The following ENPP4 variants were observed in gnomAD, a reference collection of about 807,000 sequenced individuals.
The protein encoded by ENPP4 is ectonucleotide pyrophosphatase/phosphodiesterase 4.
Under a neutral mutation model 33.4 loss-of-function variants are expected in ENPP4, and 18 were observed. That is an observed-to-expected ratio of 0.54 (90% CI 0.37 to 0.80). ENPP4 has a LOEUF of 0.80. Ranked by LOEUF, ENPP4 falls within the 30% of genes least tolerant of loss-of-function variation. ENPP4 has a pLI of 0.00. For missense variants in ENPP4, 480 were observed against 541.7 expected (o/e 0.89, Z 1.13); for synonymous variants, 172 against 189.9 (o/e 0.91, Z 0.78).
intron 1 of ENPP4, among the ~76,000 whole-genome samples, chr6:46,131,003 CT>C (rs1284640625): frequency 1.3e-5 from 2 of 152,140 alleles, no homozygotes; most frequent in Non-Finnish European, 2.9e-5. Context: ...TCTATTTCTT[CT>C]TTTTTCCCCT....
intron 1 of ENPP4, among the ~76,000 whole-genome samples, chr6:46,132,280 G>T (rs938097937): frequency 1.3e-5 from 2 of 152,038 alleles, no homozygotes; most frequent in African/African-American, 2.4e-5. Flanking sequence ...GGGTTTTTAT[G>T]GTTTTAGGTC....
At chr6:46,137,565 G>A (rs1763994661) in intron 1 of ENPP4, among the ~76,000 whole-genome samples, 1 of 151,844 alleles carries the variant, frequency 6.6e-6, no homozygotes, top group Non-Finnish European at 1.5e-5. Flanking sequence ...TTGAATGAAC[G>A]GGTAAGTACC....
chr6:46,143,391 T>C lies in ENPP4; in HGVS notation c.1113T>C (p.Tyr371=). The change falls in exon 4 of 4, where the codon TAT becomes TAC. Residue 371 remains tyrosine (Y), a synonymous_variant. Coordinates refer to ENST00000321037, the MANE Select transcript of ENPP4 (RefSeq NM_014936.5). ...GCACAATTAACATTGTGGATATTTA[T>C]CCAATGATGTGCCACATCCTGGGAT... ...KHSTINIVDI[Y]PMMCHILGLK... is the part of the protein sequence containing the mutation. 6.2e-7 allele frequency: 1 copy of C among 1,612,764 alleles called. No individual in the cohort carries two copies. The highest frequency in any genetic ancestry group is 8.5e-7 in the Non-Finnish European group (1 of 1,179,112).
At chr6:46,130,532 G>A (rs1257891809) in intron 1 of ENPP4, among the ~76,000 whole-genome samples, 1 of 152,208 alleles carries the variant, frequency 6.6e-6, no homozygotes, top group African/African-American at 2.4e-5. Context: ...GAGCTGGGGC[G>A]GGGTCGCCAG....
rs370684103 is a variant in ENPP4 at position 46,144,909 on chromosome 6, G to T, written c.*1269G>T. ...AATAATCCCTCTGTTTAACATGTTT[G>T]TTCAGAGCCAAGGGTTTATTGTGAA... On this transcript the variant is annotated 3_prime_UTR_variant, in exon 4 of 4. Transcript: ENST00000321037. 2.2e-4 allele frequency: 87 copies of T among 396,092 alleles called. 1 individual carries two copies. The South Asian group carries it at 8.6e-3, about 39-fold the overall frequency. 24.5% of individuals were successfully genotyped at this position (396,092 alleles called of 1,614,324 possible).
rs888722788 is a variant in ENPP4, at chr6:46,143,798, T to G, written c.*158T>G. The stretch of plus-strand genomic sequence containing the variant: ...TACTTTGTTTTCCTTGTGTTTTGTT[T>G]CGGTGCATTTGCTAATAAGATAACG... On this transcript the variant is annotated 3_prime_UTR_variant, in exon 4 of 4. Transcript: ENST00000321037. 6.7e-6 allele frequency: 5 copies of G among 744,856 alleles called. No homozygotes were observed. Among genetic ancestry groups the G allele is most frequent in the Non-Finnish European group, 6.3e-6 (3 of 474,610 alleles). The allele number at this position is 744,856 out of a possible 1,614,324, so 46.1% of individuals were successfully genotyped here.
intron 1 of ENPP4, among the ~76,000 whole-genome samples, chr6:46,139,271 T>C (rs1184066588): frequency 6.6e-6 from 1 of 151,716 alleles, no homozygotes; most frequent in Non-Finnish European, 1.5e-5. Flanking sequence ...ATTTCTAATG[T>C]GGCAAATGAG....
Position 46,139,876 on chromosome 6 carries a change from C to G in ENPP4, c.293C>G (p.Thr98Arg), listed in dbSNP as rs768945442. The G allele has an allele frequency of 6.2e-7, 1 of 1,612,576 alleles. No individual in the cohort carries two copies. Among genetic ancestry groups the G allele is most frequent in the African/African-American group, 1.3e-5 (1 of 74,766 alleles). ...IVANSMYDAV[T>R]KKHFSDSNDK... ...GCTAATTCCATGTATGATGCAGTCA[C>G]AAAGAAACACTTTTCTGACTCTAAT... The change falls in exon 2 of 4, where the codon ACA (threonine) becomes AGA (arginine). Residue 98 changes from threonine to arginine, a missense_variant. Thr to Arg is a moderately conservative substitution (Grantham distance 71). Coordinates refer to ENST00000321037, the MANE Select transcript of ENPP4 (RefSeq NM_014936.5).
chr6:46,136,249 T>G (rs1763972743), intron 1 of ENPP4, among the ~76,000 whole-genome samples: 1 of 152,042 alleles, frequency 6.6e-6, no homozygotes, highest in East Asian at 1.9e-4. Flanking sequence ...CTGTTTTGAT[T>G]ATTATATATT....
chr6:46,130,370 G>C (rs1274611973), intron 1 of ENPP4, among the ~76,000 whole-genome samples, 181 bp downstream of exon 1: 1 of 152,268 alleles, frequency 6.6e-6, no homozygotes, highest in Non-Finnish European at 1.5e-5. Context: ...GAGCCAGGGA[G>C]GTGGCGGGCC....
In ENPP4 at chr6:46,140,198, A is replaced by G; in HGVS notation, c.615A>G (p.Arg205=). ...YGPEDKENMS[R]VLKKIDDLIG... is the part of the protein sequence containing the mutation. ...CTGAAGATAAAGAAAACATGAGCAG[A>G]GTGTTGAAAAAAATAGATGATCTTA... Residue 205 remains arginine (R), a synonymous_variant, in exon 2 of 4, where the codon AGA becomes AGG. Coordinates refer to ENST00000321037, the MANE Select transcript of ENPP4 (RefSeq NM_014936.5). The G allele has an allele frequency of 1.2e-6, 2 of 1,612,642 alleles. No individual in the cohort carries two copies. Among genetic ancestry groups the G allele is most frequent in the Non-Finnish European group, 1.7e-6 (2 of 1,179,070 alleles).
chr6:46,139,352 A>G (rs764843462), intron 1 of ENPP4, among the ~76,000 whole-genome samples, 199 bp from the exon 2 acceptor site: 1 of 150,602 alleles, frequency 6.6e-6, no homozygotes, highest in Admixed American at 6.7e-5. Flanking sequence ...TAGGGCATAT[A>G]TATAAATAGG....
intron 1 of ENPP4, 36 bp downstream of exon 1, chr6:46,130,225 G>A (rs935464276): frequency 6.6e-6 from 1 of 152,328 alleles, no homozygotes; most frequent in Non-Finnish European, 1.5e-5. Flanking sequence ...CGTTCTGGGG[G>A]GCAATGTCAC....
At chr6:46,143,254 A>T in intron 3 of ENPP4, 22 bp from the exon 4 acceptor site, 2 of 1,540,862 alleles carry the variant, frequency 1.3e-6, no homozygotes, top group Non-Finnish European at 1.8e-6. Context: ...TTATTGACTG[A>T]TGTTGTTTTG....
chr6:46,132,472 C>T (rs377632498), intron 1 of ENPP4, among the ~76,000 whole-genome samples: 8 of 151,972 alleles, frequency 5.3e-5, no homozygotes, highest in African/African-American at 9.7e-5. Context: ...TGTAGATATG[C>T]GGCGTTATTT....
chr6:46,132,057 C>G (rs887977669), intron 1 of ENPP4, among the ~76,000 whole-genome samples: 2 of 152,136 alleles, frequency 1.3e-5, no homozygotes, highest in African/African-American at 4.8e-5. Flanking sequence ...GATATTAGCC[C>G]TTTTTCAGAT....
At position 46,140,128 on chromosome 6, in the gene ENPP4, C is replaced by T; in HGVS notation, c.545C>T (p.Thr182Ile). The change falls in exon 2 of 4, where the codon ACA becomes ATA. Residue 182 changes from threonine (T) to isoleucine (I), a missense_variant. Coordinates refer to ENST00000321037, the MANE Select transcript of ENPP4 (RefSeq NM_014936.5). ...NNSNPPVTFA[T>I]LYWEEPDASG... is the part of the protein sequence containing the mutation. ...TCGAACCCACCAGTCACCTTTGCAACACTATATTGGGAAGAACCAGATGCA... is the reference window on the plus strand; with the variant it reads ...TCGAACCCACCAGTCACCTTTGCAATACTATATTGGGAAGAACCAGATGCA... 1 of 1,612,510 alleles carries T rather than the reference C, an allele frequency of 6.2e-7. No homozygotes were observed. Among genetic ancestry groups the T allele is most frequent in the Non-Finnish European group, 8.5e-7 (1 of 1,179,020 alleles).
chr6:46,142,063 T>C (rs1287695085), intron 3 of ENPP4, among the ~76,000 whole-genome samples: 1 of 151,482 alleles, frequency 6.6e-6, no homozygotes, highest in Non-Finnish European at 1.5e-5. Context: ...AGTTTACAGT[T>C]CCCTGATATA....
chr6:46,134,368 C>G (rs1398509466), intron 1 of ENPP4, among the ~76,000 whole-genome samples: 1 of 152,100 alleles, frequency 6.6e-6, no homozygotes, highest in Non-Finnish European at 1.5e-5. Context: ...ATCCTGAGAA[C>G]AAGGACTGGG....
Sources: allele counts gnomAD v4.1 joint callset (sites outside exome capture counted in the v4.1 genomes callset), GRCh38; gene constraint gnomAD v4.1.1; transcripts MANE v1.5; gene names NCBI Gene and HGNC (gene_info 2026-07-23, HGNC 2026-07-21).